Variants in TKT observed in about 807,000 individuals in gnomAD.
TKT encodes the protein transketolase.
TKT carries 47 observed loss-of-function variants against 63.9 expected under a neutral mutation model. The ratio of observed to expected loss-of-function variants is 0.74; its 90% CI spans 0.58 to 0.94. TKT has a LOEUF of 0.94. TKT is among the 40% of genes least tolerant of loss of function. The pLI is 0.00. For missense variants in TKT, 721 were observed against 846.2 expected (o/e 0.85, Z 1.84); for synonymous variants, 338 against 334.1 (o/e 1.01, Z -0.13).
intron 1 of TKT, among the ~76,000 whole-genome samples, chr3:53,250,190 G>A (rs1553681463): frequency 1.3e-5 from 2 of 152,204 alleles, no homozygotes; most frequent in Non-Finnish European, 2.9e-5. Context: ...CAACGGTCAT[G>A]CTCTTGCCTC....
In TKT at chr3:53,242,450, G is replaced by T. The variant is rs565429190; in HGVS notation, c.108-208C>A. On this transcript the variant is annotated intron_variant, in intron 1 of 13. Transcript: ENST00000462138. ...GGCAGTTTGGGGCCTGGGCCAGCTA[G>T]TGGGTGCTGGGGACTGTTGTACCTT... is the stretch of plus-strand genomic sequence containing the variant. Among the ~76,000 whole-genome samples, 22 of 152,288 alleles carry T rather than the reference G, an allele frequency of 1.4e-4. No individual in the cohort carries two copies. In the South Asian group the frequency reaches 4.6e-3, roughly 32 times the overall value.
At chr3:53,233,297 A>G (rs1354051271) in intron 5 of TKT, 23 bp from the exon 6 acceptor site, 1 of 1,586,462 alleles carries the variant, frequency 6.3e-7, no homozygotes, top group Non-Finnish European at 8.6e-7. Context: ...GGCAGAGAGT[A>G]AGGGGCAATT....
intron 1 of TKT, among the ~76,000 whole-genome samples, chr3:53,252,030 C>T (rs1705772681): frequency 6.6e-6 from 1 of 152,206 alleles, no homozygotes; most frequent in Admixed American, 6.5e-5. Flanking sequence ...ATCCCAGCTA[C>T]TTGGGAGGCT....
Position 53,244,305 on chromosome 3 carries a change from T to A in TKT, c.108-2063A>T, listed in dbSNP as rs570713465. The stretch of plus-strand genomic sequence containing the variant: ...TTTGGGGCTCTCCCTCGGCAGAGCA[T>A]CCTGGGTTGGGGAGGTGAGCTGTGC... On this transcript the variant is annotated intron_variant, in intron 1 of 13. Coordinates refer to ENST00000462138, the MANE Select transcript of TKT (RefSeq NM_001064.4). 7.7e-4 allele frequency among the ~76,000 whole-genome samples: 118 copies of A among 152,326 alleles called. 1 individual carries two copies. The East Asian group carries it at 0.02, about 25-fold the overall frequency.
chr3:53,228,149 C>G lies in TKT; in HGVS notation c.1480G>C (p.Val494Leu). ...NEDFQVGQAK[V>L]VLKSKDDQVT... ...TGGTCATCCTTGCTCTTCAGGACCA[C>G]CTGGGGGTGACACAGAGGGTGAGTA... Residue 494 changes from valine to leucine, a missense_variant and splice_region_variant, in exon 12 of 14, where the codon GTG becomes CTG. Physicochemically the swap from Val to Leu is conservative, Grantham distance 32 (BLOSUM62 1). Coordinates refer to ENST00000462138, the MANE Select transcript of TKT (RefSeq NM_001064.4). 1 of 1,614,098 alleles carries G rather than the reference C, an allele frequency of 6.2e-7. No homozygotes were observed. The highest frequency in any genetic ancestry group is 1.7e-5 in the Admixed American group (1 of 60,014).
At chr3:53,241,578 C>G (rs1271040957) in intron 2 of TKT, among the ~76,000 whole-genome samples, 1 of 152,254 alleles carries the variant, frequency 6.6e-6, no homozygotes, top group Non-Finnish European at 1.5e-5. Flanking sequence ...GACTTCTAAG[C>G]TCTAAAGCCT....
chr3:53,243,228 G>C (rs1022416446), intron 1 of TKT, among the ~76,000 whole-genome samples: 1 of 151,918 alleles, frequency 6.6e-6, no homozygotes, highest in Non-Finnish European at 1.5e-5. Flanking sequence ...AGCAGGAAGC[G>C]CTGCAGGTCC....
chr3:53,246,994 G>GGA (rs782219141), intron 1 of TKT, among the ~76,000 whole-genome samples: 15 of 152,142 alleles, frequency 9.9e-5, no homozygotes, highest in Non-Finnish European at 1.9e-4. Context: ...CTTAATCCTG[G>GGA]GAGCAGCTAC....
At chr3:53,242,856 G>A (rs559306365) in intron 1 of TKT, among the ~76,000 whole-genome samples, 91 of 152,288 alleles carry the variant, frequency 6.0e-4, no homozygotes, top group African/African-American at 2.1e-3. Context: ...CAGCCTCCAC[G>A]CATGGGGTGT....
At chr3:53,246,974 T>C (rs1553681001) in intron 1 of TKT, among the ~76,000 whole-genome samples, 1 of 152,078 alleles carries the variant, frequency 6.6e-6, no homozygotes, top group Non-Finnish European at 1.5e-5. Context: ...ATCACTGTAA[T>C]GTACTAGTTC....
At chr3:53,253,537 G>A (rs754280665) in intron 1 of TKT, among the ~76,000 whole-genome samples, 8 of 152,224 alleles carry the variant, frequency 5.3e-5, no homozygotes, top group Admixed American at 1.3e-4. Context: ...TCGGGAGGCC[G>A]AGGTGGGTGG....
intron 8 of TKT, among the ~76,000 whole-genome samples, 156 bp downstream of exon 8, chr3:53,230,301 A>G (rs896246867): frequency 6.6e-5 from 10 of 152,218 alleles, no homozygotes; most frequent in Admixed American, 6.5e-4. Flanking sequence ...GTGGCTGTTC[A>G]AGGTCAGGGG....
chr3:53,231,525 A>C lies in TKT; in HGVS notation c.774T>G (p.His258Gln), dbSNP rs782771886. Reference protein sequence around the residue: ...ITGVEDKESWHGKPLPKNMAE... With the variant: ...ITGVEDKESWQGKPLPKNMAE... ...CCATGTTTTTGGGGAGGGGCTTCCC[A>C]TGCCAAGACTCCTTATCTTCTACCC... The change falls in exon 7 of 14, where the codon CAT becomes CAG. Residue 258 changes from histidine (H) to glutamine (Q), a missense_variant. His to Gln is a conservative substitution (Grantham distance 24). Coordinates refer to ENST00000462138, the MANE Select transcript of TKT (RefSeq NM_001064.4). The C allele has an allele frequency of 6.2e-7, 1 of 1,614,034 alleles. No homozygotes were observed. Among genetic ancestry groups the C allele is most frequent in the Non-Finnish European group, 8.5e-7 (1 of 1,179,990 alleles).
In TKT at chr3:53,238,534, A is replaced by G. The variant is rs552650775; in HGVS notation, c.437+1717T>C. Among the ~76,000 whole-genome samples, 15 of 152,200 alleles carry G rather than the reference A, an allele frequency of 9.9e-5. No homozygotes were observed. The East Asian group carries it at 2.7e-3, about 27-fold the overall frequency. ...CCCTGCAGCCTCCTGTCCTTCAAGG[A>G]CCCACAGTCTTCCCGAACCCCACTA... is the stretch of plus-strand genomic sequence containing the variant. On this transcript the variant is annotated intron_variant, in intron 4 of 13. Coordinates refer to ENST00000462138, the MANE Select transcript of TKT (RefSeq NM_001064.4).
Position 53,230,617 on chromosome 3 carries a change from GCTAT to G in TKT, c.943_946del (p.Ile315ProfsTer55). 6.2e-7 allele frequency: 1 copy of G among 1,614,166 alleles called. No individual in the cohort carries two copies. The highest frequency in any genetic ancestry group is 8.5e-7 in the Non-Finnish European group (1 of 1,180,018). On this transcript the variant is annotated frameshift_variant and splice_region_variant, in exon 8 of 14. Coordinates refer to ENST00000462138, the MANE Select transcript of TKT (RefSeq NM_001064.4). LOFTEE classifies it high-confidence loss of function. ...TGCCTGCCCGTAGGCCTTGCGGGTG[GCTAT>G]CTGTGAGGAAGAGAGTGGGAAGGCT...
chr3:53,247,205 T>A (rs1294450838), intron 1 of TKT, among the ~76,000 whole-genome samples: 1 of 149,280 alleles, frequency 6.7e-6, no homozygotes. Context: ...AAAAATACAA[T>A]AATTAGTTGG....
rs782354728 is a variant in TKT at position 53,229,230 on chromosome 3, G to A, written c.1264+50C>T. 25 of 1,612,620 alleles carry A rather than the reference G, an allele frequency of 1.6e-5. No individual in the cohort carries two copies. The South Asian group carries it at 2.7e-4, about 18-fold the overall frequency. ...GGCCCATCCCCCTCCCATACCTCCT[G>A]GTGCAAAAGTCAAGGGAGCTCCAGG... On this transcript the variant is annotated intron_variant, in intron 9 of 13. Transcript: ENST00000462138.
intron 5 of TKT, 95 bp downstream of exon 5, chr3:53,234,888 C>T: frequency 1.5e-6 from 2 of 1,326,710 alleles, no homozygotes; most frequent in Non-Finnish European, 2.1e-6. Context: ...TGCTTAAGGT[C>T]CCAGCTTCAG....
At chr3:53,236,341 G>A (rs1553678634) in intron 4 of TKT, among the ~76,000 whole-genome samples, 1 of 152,216 alleles carries the variant, frequency 6.6e-6, no homozygotes, top group African/African-American at 2.4e-5. Context: ...CCACGGAGCT[G>A]TCAGCATGAC....
Sources: gnomAD v4.1 joint callset for allele counts (sites outside exome capture counted in the v4.1 genomes callset) on GRCh38, gnomAD v4.1.1 for gene constraint, MANE v1.5 for transcripts, NCBI Gene and HGNC (gene_info 2026-07-23, HGNC 2026-07-21) for gene names.